PCM1: variants seen among roughly 807,000 people sequenced by gnomAD.
PCM1 encodes the protein pericentriolar material 1.
In PCM1, 157 loss-of-function variants were observed where a neutral mutation model predicts 241.9. That is an observed-to-expected ratio of 0.65 (90% CI 0.57 to 0.74). PCM1 has a LOEUF of 0.74. Among genes scored for constraint, PCM1 ranks in the 30% least tolerant of loss-of-function variants. PCM1 has a pLI of 0.00. For synonymous variants in PCM1, 1,085 were observed against 784.9 expected, an observed-to-expected ratio of 1.38 and a Z score of -6.39; for missense variants, 3,478 against 2,360.1, an observed-to-expected ratio of 1.47 and a Z score of -9.81.
At chr8:17,998,494 C>A (rs2087850180) in intron 29 of PCM1, among the ~76,000 whole-genome samples, 1 of 152,154 alleles carries the variant, frequency 6.6e-6, no homozygotes, top group African/African-American at 2.4e-5. Context: ...TGTTCTCTTC[C>A]TTTACTTTCT....
At chr8:17,956,918 C>T in intron 11 of PCM1, 141 bp downstream of exon 11, 3 of 682,736 alleles carry the variant, frequency 4.4e-6, no homozygotes, top group Non-Finnish European at 7.3e-6. Context: ...GTGTAATCAT[C>T]TCTGCCCTGT....
chr8:17,952,121 G>C lies in PCM1; in HGVS notation c.1072-849G>C, dbSNP rs539190510. ...ACCTGTAATCTCAGCTGCTTGAGAG[G>C]CTGAGGCAGGAGAATCGCTTGAACC... is the stretch of plus-strand genomic sequence containing the variant. On this transcript the variant is annotated intron_variant, in intron 8 of 38. Transcript: ENST00000325083. Among the ~76,000 whole-genome samples, 35 of 152,124 alleles carry C rather than the reference G, an allele frequency of 2.3e-4. 1 individual carries two copies. In the South Asian group the frequency reaches 7.3e-3, roughly 32 times the overall value.
In PCM1 at chr8:17,969,725, C is replaced by T. The variant is rs745895100; in HGVS notation, c.3561C>T (p.Ser1187=). 3.8e-5 allele frequency: 60 copies of T among 1,598,486 alleles called. No homozygotes were observed. Among genetic ancestry groups the T allele is most frequent in the Non-Finnish European group, 2.6e-6 (3 of 1,175,094 alleles). ...TTCCAAAACCTTTTGAAAGCAGTTC[C>T]TCTATTGGAGCAGAGAAACCAAGGT... ...MAFPKPFESS[S]SIGAEKPRNK... is the part of the protein sequence containing the mutation. Residue 1187 remains serine (S), a synonymous_variant, in exon 22 of 39, where the codon TCC becomes TCT. Coordinates refer to ENST00000325083, the MANE Select transcript of PCM1 (RefSeq NM_006197.4).
At chr8:17,923,562 C>G (rs1303152509) in intron 1 of PCM1, among the ~76,000 whole-genome samples, 1 of 152,118 alleles carries the variant, frequency 6.6e-6, no homozygotes, top group Non-Finnish European at 1.5e-5. Context: ...GCTAGGGGCA[C>G]TGGGTCGAGT....
intron 24 of PCM1, among the ~76,000 whole-genome samples, chr8:17,981,572 G>A (rs976086968): frequency 6.6e-6 from 1 of 152,060 alleles, no homozygotes; most frequent in Non-Finnish European, 1.5e-5. Context: ...AGACTATAGT[G>A]GATAGACCTT....
chr8:17,980,475 C>G (rs2080326035), intron 23 of PCM1, 116 bp from the exon 24 acceptor site: 1 of 718,504 alleles, frequency 1.4e-6, no homozygotes, highest in African/African-American at 1.8e-5. Context: ...CTATTTATAC[C>G]AGGCCTTCCT....
At chr8:17,956,998 G>C (rs1376055436) in intron 11 of PCM1, among the ~76,000 whole-genome samples, 4 of 152,184 alleles carry the variant, frequency 2.6e-5, no homozygotes, top group Non-Finnish European at 5.9e-5. Context: ...GACTGAATTC[G>C]AGTAAATCAT....
chr8:17,981,534 GGAGA>G (rs767785112), intron 24 of PCM1, among the ~76,000 whole-genome samples: 1 of 151,960 alleles, frequency 6.6e-6, no homozygotes, highest in Admixed American at 6.6e-5. Flanking sequence ...AAAGAAATAT[GGAGA>G]GAGAGAGGCA....
intron 4 of PCM1, 25 bp from the exon 5 acceptor site, chr8:17,938,715 G>C (rs1229631548): frequency 1.9e-6 from 3 of 1,581,668 alleles, no homozygotes; most frequent in Admixed American, 1.7e-5. Flanking sequence ...ATGTTTGTGT[G>C]ATTTGATTTC....
intron 2 of PCM1, among the ~76,000 whole-genome samples, chr8:17,931,857 T>C (rs2129447552): frequency 6.6e-6 from 1 of 152,304 alleles, no homozygotes; most frequent in Non-Finnish European, 1.5e-5. Flanking sequence ...CTATGGGTAT[T>C]ATTTTTTAAA....
At position 17,942,336 on chromosome 8, in the gene PCM1, G is replaced by A. The variant is rs112350798; in HGVS notation, c.783+2475G>A. 1.3e-3 allele frequency among the ~76,000 whole-genome samples: 198 copies of A among 151,284 alleles called. 1 individual carries two copies. Among genetic ancestry groups the A allele is most frequent in the African/African-American group, 4.5e-3 (187 of 41,284 alleles). On this transcript the variant is annotated intron_variant, in intron 6 of 38. Coordinates refer to ENST00000325083, the MANE Select transcript of PCM1 (RefSeq NM_006197.4). ...ACAAAAATTAGCTGGGCACGGTGGC[G>A]CACGCCTGTAATCCCAGCTACTCAG... is the stretch of plus-strand genomic sequence containing the variant.
intron 9 of PCM1, 103 bp from the exon 10 acceptor site, chr8:17,955,366 TG>T (rs1321661415): frequency 4.2e-6 from 3 of 708,466 alleles, no homozygotes; most frequent in Non-Finnish European, 2.3e-6. Context: ...GAAATTAAGT[TG>T]TTAATTTTTA....
chr8:17,993,609 C>CT lies in PCM1; in HGVS notation c.4823dup (p.Leu1608PhefsTer7). ...AAAGCAATTATGAAAGAAGTCATTCCTTTTTTGAAGGTAAGCAATTATTTT... is the reference window on the plus strand; with the variant it reads ...AAAGCAATTATGAAAGAAGTCATTCCTTTTTTTGAAGGTAAGCAATTATTTT... On this transcript the variant is annotated frameshift_variant, in exon 29 of 39. Coordinates refer to ENST00000325083, the MANE Select transcript of PCM1 (RefSeq NM_006197.4). LOFTEE classifies it high-confidence loss of function. 6.3e-7 allele frequency: 1 copy of CT among 1,582,444 alleles called. No individual in the cohort carries two copies. The highest frequency in any genetic ancestry group is 1.8e-5 in the Admixed American group (1 of 55,756).
intron 2 of PCM1, among the ~76,000 whole-genome samples, chr8:17,929,909 C>T (rs2058424798): frequency 1.3e-5 from 2 of 152,184 alleles, no homozygotes; most frequent in South Asian, 2.1e-4. Flanking sequence ...AATGTGGTCT[C>T]TGTCGCTCAA....
intron 7 of PCM1, among the ~76,000 whole-genome samples, chr8:17,948,037 T>C (rs1043004876): frequency 6.6e-5 from 10 of 151,866 alleles, no homozygotes; most frequent in African/African-American, 2.4e-4. Context: ...CAAAAAAAGA[T>C]GATTAGTTAT....
At chr8:17,944,402 CT>C (rs1433359684) in intron 6 of PCM1, among the ~76,000 whole-genome samples, 2 of 152,090 alleles carry the variant, frequency 1.3e-5, no homozygotes, top group African/African-American at 4.8e-5. Context: ...ACATAATTAT[CT>C]GAAGCTGTCA....
At chr8:17,934,873 C>G (rs918891334) in intron 2 of PCM1, 3 of 152,146 alleles carry the variant, frequency 2.0e-5, no homozygotes, top group African/African-American at 4.8e-5. Context: ...GAAATTCAGT[C>G]CCTTTCTTGA....
intron 5 of PCM1, among the ~76,000 whole-genome samples, 172 bp from the exon 6 acceptor site, chr8:17,939,519 A>T (rs964583729): frequency 1.3e-5 from 2 of 152,172 alleles, no homozygotes; most frequent in African/African-American, 4.8e-5. Context: ...TCTTGATTAA[A>T]ATCTAAGCTG....
chr8:17,993,193 GTTATC>G (rs1171778338), intron 28 of PCM1, among the ~76,000 whole-genome samples: 2 of 151,918 alleles, frequency 1.3e-5, no homozygotes, highest in African/African-American at 2.4e-5. Context: ...TGTCTCCAAT[GTTATC>G]TTCTAGAATT....
Sources: gnomAD v4.1 joint callset for allele counts (sites outside exome capture counted in the v4.1 genomes callset) on GRCh38, gnomAD v4.1.1 for gene constraint, MANE v1.5 for transcripts, NCBI Gene and HGNC (gene_info 2026-07-23, HGNC 2026-07-21) for gene names.